Variants in PTN observed in about 807,000 individuals in gnomAD.
The protein encoded by PTN is pleiotrophin, also known as heparin affin regulatory protein.
A neutral mutation model predicts 24.1 loss-of-function variants in PTN; 18 were observed. The ratio of observed to expected loss-of-function variants is 0.75; its 90% confidence interval spans 0.52 to 1.11. The LOEUF (loss-of-function observed/expected upper bound fraction) is 1.11. Ranked by LOEUF, PTN falls within the 50% of genes least tolerant of loss-of-function variation. PTN has a pLI of 0.00. For synonymous variants in PTN, 78 were observed against 68.6 expected, an observed-to-expected ratio of 1.14 and a Z score of -0.67; for missense variants, 163 against 198.8, an observed-to-expected ratio of 0.82 and a Z score of 1.08.
chr7:137,255,502 A>T (rs771498769), intron 1 of PTN, among the ~76,000 whole-genome samples: 6 of 152,202 alleles, frequency 3.9e-5, no homozygotes, highest in Non-Finnish European at 7.3e-5. Flanking sequence ...ATCTTTTTAA[A>T]ATCATTGTCA....
intron 1 of PTN, among the ~76,000 whole-genome samples, chr7:137,298,661 G>T (rs1048755539): frequency 9.9e-5 from 15 of 151,776 alleles, no homozygotes; most frequent in African/African-American, 3.6e-4. Context: ...TGTAAAGCAG[G>T]ACTATTTCCT....
chr7:137,251,202 A>T (rs1227171020), intron 4 of PTN, 28 bp downstream of exon 4: 5 of 1,609,236 alleles, frequency 3.1e-6, no homozygotes, highest in Non-Finnish European at 1.7e-6. Context: ...CAATCCATTA[A>T]AATTGTGGTA....
chr7:137,266,113 T>C (rs1215238613), intron 1 of PTN, among the ~76,000 whole-genome samples: 3 of 152,202 alleles, frequency 2.0e-5, no homozygotes, highest in Admixed American at 6.5e-5. Context: ...TTTTAACCTT[T>C]TATAATTTTT....
chr7:137,302,460 G>C (rs926291059), intron 1 of PTN, among the ~76,000 whole-genome samples: 2 of 151,918 alleles, frequency 1.3e-5, no homozygotes, highest in African/African-American at 4.8e-5. Flanking sequence ...AAATCAGAAG[G>C]ATAGATTAGA....
At chr7:137,330,580 G>A (rs1810340858) in intron 1 of PTN, among the ~76,000 whole-genome samples, 2 of 152,124 alleles carry the variant, frequency 1.3e-5, no homozygotes. Flanking sequence ...AGGTGGGGAG[G>A]ACATGAATGA....
At chr7:137,299,004 G>A (rs146481582) in intron 1 of PTN, among the ~76,000 whole-genome samples, 5 of 151,994 alleles carry the variant, frequency 3.3e-5, no homozygotes, top group Middle Eastern at 3.4e-3. Flanking sequence ...ATTAAGTACC[G>A]ATAGCAAAGA....
intron 1 of PTN, among the ~76,000 whole-genome samples, chr7:137,312,436 T>G (rs1192293700): frequency 6.6e-6 from 1 of 152,250 alleles, no homozygotes; most frequent in Admixed American, 6.5e-5. Flanking sequence ...AGACACACTA[T>G]GCCTGTTGAC....
intron 4 of PTN, among the ~76,000 whole-genome samples, chr7:137,231,445 A>T (rs1173037420): frequency 1.3e-5 from 2 of 151,912 alleles, no homozygotes; most frequent in Non-Finnish European, 2.9e-5. Context: ...GAGCTCTCAG[A>T]TAAGCAGATT....
intron 4 of PTN, among the ~76,000 whole-genome samples, chr7:137,243,327 T>G (rs748523014): frequency 6.6e-6 from 1 of 152,058 alleles, no homozygotes; most frequent in Non-Finnish European, 1.5e-5. Flanking sequence ...CCGCAGAAAA[T>G]AAAAAGTGAC....
chr7:137,253,132 G>A (rs1267621179), intron 3 of PTN, among the ~76,000 whole-genome samples: 1 of 152,322 alleles, frequency 6.6e-6, no homozygotes, highest in South Asian at 2.1e-4. Flanking sequence ...TGGAAAGGCA[G>A]TGGTTCCCAA....
At chr7:137,264,794 G>A (rs1265513651) in intron 1 of PTN, among the ~76,000 whole-genome samples, 1 of 152,120 alleles carries the variant, frequency 6.6e-6, no homozygotes, top group Non-Finnish European at 1.5e-5. Context: ...ACCACAGCAT[G>A]GGGGGACTTT....
chr7:137,334,841 T>A (rs1268207512), intron 1 of PTN, among the ~76,000 whole-genome samples: 1 of 151,806 alleles, frequency 6.6e-6, no homozygotes, highest in African/African-American at 2.4e-5. Context: ...GGCAAATATA[T>A]ACCATGGAAT....
At chr7:137,271,121 A>G (rs1270671605) in intron 1 of PTN, among the ~76,000 whole-genome samples, 3 of 152,180 alleles carry the variant, frequency 2.0e-5, no homozygotes, top group Non-Finnish European at 4.4e-5. Flanking sequence ...ACATCAAACA[A>G]TTTCTCACTC....
intron 1 of PTN, among the ~76,000 whole-genome samples, chr7:137,276,494 G>C (rs920187743): frequency 3.3e-5 from 5 of 152,292 alleles, no homozygotes; most frequent in African/African-American, 1.2e-4. Context: ...AGGGTGAAAT[G>C]GGTTTTGAGG....
chr7:137,283,681 C>T (rs182453236), intron 1 of PTN, among the ~76,000 whole-genome samples: 12 of 152,194 alleles, frequency 7.9e-5, no homozygotes, highest in African/African-American at 2.9e-4. Flanking sequence ...CCATACTTTT[C>T]GCAATGGTGA....
chr7:137,276,660 T>C (rs1374921814), intron 1 of PTN, among the ~76,000 whole-genome samples: 1 of 152,340 alleles, frequency 6.6e-6, no homozygotes, highest in African/African-American at 2.4e-5. Context: ...TTTGCTTCAC[T>C]TGTGTGAGTG....
intron 1 of PTN, among the ~76,000 whole-genome samples, chr7:137,290,005 C>T (rs1809614748): frequency 6.6e-6 from 1 of 152,116 alleles, no homozygotes; most frequent in Non-Finnish European, 1.5e-5. Flanking sequence ...AGGCAATTTA[C>T]AAAACAAAGA....
intron 1 of PTN, among the ~76,000 whole-genome samples, chr7:137,294,794 A>C (rs1809693270): frequency 6.6e-6 from 1 of 152,178 alleles, no homozygotes; most frequent in Non-Finnish European, 1.5e-5. Flanking sequence ...AAATTATTTG[A>C]AATAGTAATA....
chr7:137,299,093 G>A (rs569705706), intron 1 of PTN, among the ~76,000 whole-genome samples: 1 of 151,908 alleles, frequency 6.6e-6, no homozygotes, highest in Non-Finnish European at 1.5e-5. Flanking sequence ...CCCATGCTAC[G>A]TTTCCATGGG....
Sources: gnomAD v4.1 joint callset for allele counts (sites outside exome capture counted in the v4.1 genomes callset) on GRCh38, gnomAD v4.1.1 for gene constraint, MANE v1.5 for transcripts, NCBI Gene and HGNC (gene_info 2026-07-23, HGNC 2026-07-21) for gene names.